The following AIG1 variants were observed in gnomAD, a reference collection of about 807,000 sequenced individuals.
AIG1 encodes the protein androgen-induced gene 1 protein.
In AIG1, 23 loss-of-function variants were observed where a neutral mutation model predicts 31.4. The ratio of observed to expected loss-of-function variants is 0.73; its 90% CI spans 0.53 to 1.04. The LOEUF is 1.04. AIG1 is among the 50% of genes least tolerant of loss of function. The pLI, the probability that AIG1 is intolerant of heterozygous loss-of-function variation, is 0.00. For synonymous variants in AIG1, 100 were observed against 110.5 expected, an observed-to-expected ratio of 0.90 and a Z score of 0.60; for missense variants, 274 against 295.0, an observed-to-expected ratio of 0.93 and a Z score of 0.52.
chr6:143,241,336 G>A (rs1794224744), intron 3 of AIG1, among the ~76,000 whole-genome samples: 1 of 152,200 alleles, frequency 6.6e-6, no homozygotes, highest in African/African-American at 2.4e-5. Flanking sequence ...TTTTAGACTT[G>A]CGTGGAGCCC....
intron 4 of AIG1, among the ~76,000 whole-genome samples, chr6:143,286,452 T>C (rs1433802013): frequency 1.3e-5 from 2 of 152,202 alleles, no homozygotes; most frequent in African/African-American, 2.4e-5. Flanking sequence ...TTTCCTTTGG[T>C]GTTCTGCCCT....
In AIG1 at chr6:143,304,141, T is replaced by C. The variant is rs546158084; in HGVS notation, c.515+19916T>C. On this transcript the variant is annotated intron_variant, in intron 4 of 5. Coordinates refer to ENST00000357847, the MANE Select transcript of AIG1 (RefSeq NM_016108.4). ...AGATTTTGGGCTGAGACAATGGGGT[T>C]TTCTAAATTTACAATCATGTCATCT... Among the ~76,000 whole-genome samples, 17 of 152,112 alleles carry C rather than the reference T, an allele frequency of 1.1e-4. No individual in the cohort carries two copies. In the East Asian group the frequency reaches 3.3e-3, roughly 30 times the overall value.
chr6:143,063,901 G>C (rs984875879), intron 1 of AIG1, among the ~76,000 whole-genome samples: 3 of 152,122 alleles, frequency 2.0e-5, no homozygotes, highest in Non-Finnish European at 4.4e-5. Context: ...TGGGTATGAG[G>C]GTCATTCCAG....
chr6:143,218,182 CT>C (rs1398483922), intron 3 of AIG1, among the ~76,000 whole-genome samples: 1 of 152,132 alleles, frequency 6.6e-6, no homozygotes, highest in East Asian at 1.9e-4. Flanking sequence ...GGGGTTTGTT[CT>C]TTTATTTAGT....
intron 1 of AIG1, among the ~76,000 whole-genome samples, chr6:143,065,108 A>G (rs777105749): frequency 2.6e-5 from 4 of 152,214 alleles, no homozygotes; most frequent in Non-Finnish European, 5.9e-5. Flanking sequence ...GACAAGTCAC[A>G]ACGGTGGAAT....
At chr6:143,153,568 C>T (rs904031309) in intron 2 of AIG1, among the ~76,000 whole-genome samples, 22 of 152,152 alleles carry the variant, frequency 1.4e-4, no homozygotes, top group African/African-American at 4.6e-4. Flanking sequence ...AGGCTGGTCT[C>T]GAACTCCGTA....
At chr6:143,210,153 C>G (rs1342338935) in intron 3 of AIG1, among the ~76,000 whole-genome samples, 2 of 152,316 alleles carry the variant, frequency 1.3e-5, no homozygotes, top group East Asian at 3.9e-4. Flanking sequence ...GGCTTTTCCC[C>G]CTTCTGCTCA....
intron 1 of AIG1, among the ~76,000 whole-genome samples, chr6:143,101,423 G>C (rs1276982212): frequency 6.6e-6 from 1 of 152,184 alleles, no homozygotes; most frequent in Non-Finnish European, 1.5e-5. Context: ...TTGGTTGGGG[G>C]AAAGAGGGAT....
rs1486721948 is a variant in AIG1 at position 143,330,759 on chromosome 6, A to G, written c.516-2523A>G. ...GATTTGCAACATCAATTACAGCTTA[A>G]TGGTGTTAAATTGGGGGAATATTGC... On this transcript the variant is annotated intron_variant, in intron 4 of 5. Transcript: ENST00000357847. The surrounding 1 kb of genome is among the most constrained non-coding windows in gnomAD (Gnocchi z 4.4). 1.3e-5 allele frequency among the ~76,000 whole-genome samples: 2 copies of G among 152,200 alleles called. No homozygotes were observed. Among genetic ancestry groups the G allele is most frequent in the Admixed American group, 6.5e-5 (1 of 15,280 alleles).
intron 1 of AIG1, among the ~76,000 whole-genome samples, chr6:143,080,182 C>T (rs780731955): frequency 2.0e-5 from 3 of 151,332 alleles, no homozygotes; most frequent in East Asian, 1.9e-4. Flanking sequence ...GGCTGACAAC[C>T]GCTCTTAACT....
In AIG1 at chr6:143,334,211, A is replaced by G; in HGVS notation, c.679+766A>G. On this transcript the variant is annotated intron_variant, in intron 5 of 5. Transcript: ENST00000357847. The surrounding 1 kb of genome is among the most constrained non-coding windows in gnomAD (Gnocchi z 5.1). The stretch of plus-strand genomic sequence containing the variant: ...ACATGTAGTGATTGAGTCCTGCATG[A>G]AAATACATCCAAAGGCAAGATGGTT... 1 of 1,009,434 alleles carries G rather than the reference A, an allele frequency of 9.9e-7. No homozygotes were observed. Among genetic ancestry groups the G allele is most frequent in the Non-Finnish European group, 1.4e-6 (1 of 709,168 alleles). The allele number at this position is 1,009,434 out of a possible 1,614,324, so 62.5% of individuals were successfully genotyped here.
chr6:143,183,569 A>G (rs978352545), intron 3 of AIG1, among the ~76,000 whole-genome samples: 4 of 152,184 alleles, frequency 2.6e-5, no homozygotes, highest in African/African-American at 9.7e-5. Flanking sequence ...CTAGGGTAGA[A>G]TTCAAGGCTA....
intron 3 of AIG1, among the ~76,000 whole-genome samples, chr6:143,174,730 T>TAAA (rs1787972879): frequency 6.6e-6 from 1 of 152,164 alleles, no homozygotes; most frequent in African/African-American, 2.4e-5. Context: ...TGTGAGGTAC[T>TAAA]ATTCACTTGG....
intron 3 of AIG1, among the ~76,000 whole-genome samples, chr6:143,177,771 G>A (rs754647540): frequency 2.6e-5 from 4 of 152,180 alleles, no homozygotes; most frequent in Admixed American, 2.0e-4. Context: ...ATCACTGGAG[G>A]GGTCAGGGTC....
In AIG1 at chr6:143,329,663, C is replaced by T. The variant is rs1018296963; in HGVS notation, c.516-3619C>T. 1.3e-5 allele frequency among the ~76,000 whole-genome samples: 2 copies of T among 149,762 alleles called. No homozygotes were observed. Among genetic ancestry groups the T allele is most frequent in the Admixed American group, 6.9e-5 (1 of 14,414 alleles). On this transcript the variant is annotated intron_variant, in intron 4 of 5. Coordinates refer to ENST00000357847, the MANE Select transcript of AIG1 (RefSeq NM_016108.4). The surrounding 1 kb of genome is among the most constrained non-coding windows in gnomAD (Gnocchi z 4.9). ...CAGATGACAGCCGGTGTGCCAAATC[C>T]AGCCCACCACCTGGATTTTTGTTTG...
intron 3 of AIG1, among the ~76,000 whole-genome samples, chr6:143,244,145 A>G (rs1046875459): frequency 2.0e-5 from 3 of 152,242 alleles, no homozygotes; most frequent in African/African-American, 7.2e-5. Flanking sequence ...GATAGAATGT[A>G]TATGTTAAAT....
downstream of AIG1, among the ~76,000 whole-genome samples, chr6:143,341,249 A>G (rs78558793): frequency 0.027 from 4,136 of 152,268 alleles, 107 homozygotes; most frequent in African/African-American, 0.069. Context: ...AAGCACAGCA[A>G]TACCACATCC....
intron 1 of AIG1, among the ~76,000 whole-genome samples, chr6:143,123,062 C>G (rs1306354909): frequency 6.6e-6 from 1 of 152,112 alleles, no homozygotes; most frequent in Non-Finnish European, 1.5e-5. Flanking sequence ...AAAAAACAAT[C>G]CTGTAACAGG....
intron 2 of AIG1, among the ~76,000 whole-genome samples, chr6:143,160,885 A>G (rs1330928953): frequency 6.6e-6 from 1 of 152,212 alleles, no homozygotes; most frequent in Non-Finnish European, 1.5e-5. Context: ...CTTGAAAGTC[A>G]CTTCACTTTT....
Sources: gnomAD v4.1 joint callset for allele counts (sites outside exome capture counted in the v4.1 genomes callset) on GRCh38, gnomAD v4.1.1 for gene constraint, Gnocchi (gnomAD v3.1) non-coding constraint, MANE v1.5 for transcripts, NCBI Gene and HGNC (gene_info 2026-07-23, HGNC 2026-07-21) for gene names.